NXPE2: variants seen among roughly 807,000 people sequenced by gnomAD.
NXPE2 encodes neurexophilin and PC-esterase domain family member 2.
NXPE2 carries 34 observed loss-of-function variants against 34.4 expected under a neutral mutation model. The ratio of observed to expected loss-of-function variants is 0.99; its 90% CI spans 0.75 to 1.31. NXPE2 has a LOEUF of 1.31. Ranked by LOEUF, NXPE2 falls within the 40% of genes most tolerant of loss-of-function variation. The pLI is 0.00. For synonymous variants in NXPE2, 235 were observed against 231.3 expected, an observed-to-expected ratio of 1.02 and a Z score of -0.15; for missense variants, 649 against 672.5, an observed-to-expected ratio of 0.97 and a Z score of 0.39.
chr11:114,772,764 G>A, the NXPE2 span, among the ~76,000 whole-genome samples: 1 of 152,124 alleles, frequency 6.6e-6, no homozygotes, highest in Admixed American at 6.5e-5. Context: ...CTGCCCCACT[G>A]ATGTGCTTGG....
the NXPE2 span, among the ~76,000 whole-genome samples, chr11:114,601,865 TTA>T: frequency 5.0e-3 from 17 of 3,388 alleles, no homozygotes; most frequent in African/African-American, 0.021. Flanking sequence ...TAATATACAA[TTA>T]TATATATTAT....
chr11:114,704,071 T>A lies in NXPE2; in HGVS notation c.928+19T>A. 2 of 1,521,246 alleles carry A rather than the reference T, an allele frequency of 1.3e-6. No homozygotes were observed. The highest frequency in any genetic ancestry group is 1.8e-6 in the Non-Finnish European group (2 of 1,119,426). The allele number at this position is 1,521,246 out of a possible 1,614,324, so 94.2% of individuals were successfully genotyped here. A position where few individuals can be genotyped will look rare whatever the true frequency, so the allele number is the denominator to read the frequency against. ...TGCAACAGTAAGTCTGGAGTGTTGT[T>A]GTCTGCCATGATCACAATTTATCCA... On this transcript the variant is annotated intron_variant, in intron 4 of 5. Coordinates refer to ENST00000389586, the MANE Select transcript of NXPE2 (RefSeq NM_182495.6).
At chr11:114,500,098 T>G in the NXPE2 span, among the ~76,000 whole-genome samples, 1 of 152,114 alleles carries the variant, frequency 6.6e-6, no homozygotes, top group African/African-American at 2.4e-5. Context: ...TTAAAAATCT[T>G]TCTGTGGACA....
chr11:114,682,607 C>A (rs1457821468), intron 2 of NXPE2, among the ~76,000 whole-genome samples: 1 of 152,122 alleles, frequency 6.6e-6, no homozygotes, highest in Non-Finnish European at 1.5e-5. Flanking sequence ...CAGGAAGATG[C>A]AAGGAAGTAA....
the NXPE2 span, among the ~76,000 whole-genome samples, chr11:114,644,681 A>T: frequency 8.5e-5 from 13 of 152,296 alleles, no homozygotes; most frequent in Admixed American, 3.9e-4. Flanking sequence ...TTCTAATATC[A>T]TAAAGATGGT....
At chr11:114,628,910 T>G in the NXPE2 span, among the ~76,000 whole-genome samples, 1 of 152,038 alleles carries the variant, frequency 6.6e-6, no homozygotes, top group South Asian at 2.1e-4. Context: ...GCAAATAAAC[T>G]AGAGAATCTA....
the NXPE2 span, among the ~76,000 whole-genome samples, chr11:114,596,408 T>C: frequency 1.3e-5 from 2 of 152,178 alleles, no homozygotes; most frequent in African/African-American, 4.8e-5. Context: ...ATGGGTTGAT[T>C]ACTGCTGCCC....
the NXPE2 span, among the ~76,000 whole-genome samples, chr11:114,772,037 T>C: frequency 2.6e-5 from 4 of 152,198 alleles, no homozygotes; most frequent in Non-Finnish European, 5.9e-5. Flanking sequence ...TCCTTTATCT[T>C]CGAAGACAGT....
the NXPE2 span, among the ~76,000 whole-genome samples, chr11:114,788,366 GCTGGA>G: frequency 6.6e-6 from 1 of 152,214 alleles, no homozygotes; most frequent in Non-Finnish European, 1.5e-5. Flanking sequence ...GGAGCCTCAG[GCTGGA>G]CATGGGCCTG....
the NXPE2 span, chr11:114,521,832 A>T: frequency 1.5e-6 from 1 of 666,702 alleles, no homozygotes; most frequent in Non-Finnish European, 2.5e-6. Flanking sequence ...CATTGTCCTT[A>T]CATAGCCTTC....
chr11:114,731,719 A>G, the NXPE2 span, among the ~76,000 whole-genome samples: 1 of 152,276 alleles, frequency 6.6e-6, no homozygotes, highest in African/African-American at 2.4e-5. Flanking sequence ...TGGTGGATAC[A>G]TAAATCAGTG....
the NXPE2 span, among the ~76,000 whole-genome samples, chr11:114,774,491 G>A: frequency 2.0e-5 from 3 of 152,150 alleles, no homozygotes; most frequent in Non-Finnish European, 4.4e-5. Context: ...CAGCGTATTT[G>A]GTTATCCGCC....
the NXPE2 span, among the ~76,000 whole-genome samples, chr11:114,627,301 T>A: frequency 8.5e-5 from 13 of 152,062 alleles, no homozygotes; most frequent in African/African-American, 3.1e-4. Context: ...GGGAAGCCCA[T>A]CAGACTAACA....
At chr11:114,619,420 G>A in the NXPE2 span, among the ~76,000 whole-genome samples, 11 of 150,238 alleles carry the variant, frequency 7.3e-5, no homozygotes, top group African/African-American at 1.2e-4. Flanking sequence ...GTGTTGCCTC[G>A]TGGGTAACCA....
At chr11:114,746,217 A>G in the NXPE2 span, among the ~76,000 whole-genome samples, 1 of 152,108 alleles carries the variant, frequency 6.6e-6, no homozygotes, top group Non-Finnish European at 1.5e-5. Context: ...ACTCTCGGTA[A>G]TGAGGTGTTG....
the NXPE2 span, among the ~76,000 whole-genome samples, chr11:114,494,882 G>T: frequency 1.3e-5 from 2 of 152,266 alleles, no homozygotes; most frequent in East Asian, 1.9e-4. Flanking sequence ...CTTGTGTGTT[G>T]TGATGTAAGT....
upstream of NXPE2, among the ~76,000 whole-genome samples, chr11:114,676,139 T>C (rs148406418): frequency 2.2e-3 from 329 of 152,020 alleles, 2 homozygotes; most frequent in Non-Finnish European, 3.5e-3. Context: ...GACCTGAAAC[T>C]GTAAAACTGC....
chr11:114,757,379 G>A, the NXPE2 span, among the ~76,000 whole-genome samples: 1 of 150,526 alleles, frequency 6.6e-6, no homozygotes, highest in Non-Finnish European at 1.5e-5. Flanking sequence ...TGACATTTGG[G>A]TTTTGGTGAG....
the NXPE2 span, among the ~76,000 whole-genome samples, chr11:114,506,375 A>T: frequency 5.3e-3 from 808 of 152,308 alleles, 3 homozygotes; most frequent in Non-Finnish European, 8.2e-3. Flanking sequence ...CACTGGATCA[A>T]ATAGACCTGA....
Sources: gnomAD v4.1 joint callset for allele counts (sites outside exome capture counted in the v4.1 genomes callset) on GRCh38, gnomAD v4.1.1 for gene constraint, MANE v1.5 for transcripts, NCBI Gene and HGNC (gene_info 2026-07-23, HGNC 2026-07-21) for gene names.